The following CCSER1 variants were observed in gnomAD, a reference collection of about 807,000 sequenced individuals.
CCSER1 encodes the protein coiled-coil serine rich protein 1.
CCSER1 carries 41 observed loss-of-function variants against 82.0 expected under a neutral mutation model. The ratio of observed to expected loss-of-function variants is 0.50; its 90% CI spans 0.39 to 0.65. CCSER1 has a LOEUF of 0.65. Among genes scored for constraint, CCSER1 ranks in the 30% least tolerant of loss-of-function variants. The pLI, the probability that CCSER1 is intolerant of heterozygous loss-of-function variation, is 0.00. For synonymous variants in CCSER1, 414 were observed against 383.9 expected (o/e 1.08, Z -0.92); for missense variants, 1,119 against 1,064.2 (o/e 1.05, Z -0.72).
At chr4:90,313,344 A>G (rs1052644761) in intron 3 of CCSER1, among the ~76,000 whole-genome samples, 4 of 152,160 alleles carry the variant, frequency 2.6e-5, no homozygotes, top group Non-Finnish European at 4.4e-5. Context: ...GCTGAACATG[A>G]GGCTCCCCTT....
At chr4:91,425,003 T>G (rs899189239) in intron 10 of CCSER1, among the ~76,000 whole-genome samples, 5 of 152,124 alleles carry the variant, frequency 3.3e-5, no homozygotes, top group Admixed American at 6.5e-5. Context: ...GAATTGGACA[T>G]GTATGTTTAA....
At chr4:90,870,534 A>G (rs1194418015) in intron 8 of CCSER1, among the ~76,000 whole-genome samples, 1 of 151,608 alleles carries the variant, frequency 6.6e-6, no homozygotes, top group African/African-American at 2.4e-5. Flanking sequence ...CTGGAGATAA[A>G]CCCACTTGCT....
intron 3 of CCSER1, among the ~76,000 whole-genome samples, chr4:90,389,549 T>A (rs561854887): frequency 6.6e-6 from 1 of 152,332 alleles, no homozygotes; most frequent in Non-Finnish European, 1.5e-5. Context: ...AGTGACATCA[T>A]AATGGGATAT....
intron 10 of CCSER1, among the ~76,000 whole-genome samples, chr4:91,121,810 A>G (rs1727116092): frequency 6.6e-6 from 1 of 151,590 alleles, no homozygotes; most frequent in Non-Finnish European, 1.5e-5. Flanking sequence ...ACTTTTGGTT[A>G]TAGTGTCTAC....
At chr4:90,158,357 C>G (rs1414412036) in intron 1 of CCSER1, among the ~76,000 whole-genome samples, 1 of 152,164 alleles carries the variant, frequency 6.6e-6, no homozygotes, top group Non-Finnish European at 1.5e-5. Context: ...GCCGTCTGCC[C>G]GTTCTCAGAT....
In CCSER1 at chr4:90,583,412, C is replaced by T. The variant is rs533758553; in HGVS notation, c.1725-44613C>T. ...AACTCCTGACCTCAGGTGATCCACC[C>T]GCTTCAGCCTCCCAAAGTGCTGGGG... is the stretch of plus-strand genomic sequence containing the variant. On this transcript the variant is annotated intron_variant, in intron 5 of 10. Transcript: ENST00000509176. 1.6e-4 allele frequency among the ~76,000 whole-genome samples: 25 copies of T among 152,160 alleles called. No individual in the cohort carries two copies. The South Asian group carries it at 4.1e-3, about 25-fold the overall frequency.
chr4:90,605,553 A>T (rs990787730), intron 5 of CCSER1, among the ~76,000 whole-genome samples: 6 of 152,230 alleles, frequency 3.9e-5, no homozygotes, highest in South Asian at 4.1e-4. Context: ...AAATGTAATT[A>T]ATGTATCATT....
intron 3 of CCSER1, among the ~76,000 whole-genome samples, chr4:90,367,317 G>A (rs1449845724): frequency 1.3e-5 from 2 of 151,800 alleles, no homozygotes; most frequent in African/African-American, 2.4e-5. Flanking sequence ...TTTATAAGCC[G>A]GGGATCCCTT....
chr4:91,255,272 T>C (rs967996455), intron 10 of CCSER1, among the ~76,000 whole-genome samples: 5 of 152,084 alleles, frequency 3.3e-5, no homozygotes, highest in African/African-American at 1.2e-4. Context: ...AAGAATATAA[T>C]AAAAATATAT....
intron 10 of CCSER1, among the ~76,000 whole-genome samples, chr4:91,262,785 A>C (rs1485307691): frequency 6.6e-6 from 1 of 152,018 alleles, no homozygotes; most frequent in Non-Finnish European, 1.5e-5. Flanking sequence ...GTATAATCTA[A>C]CTCAACATTA....
chr4:91,224,063 T>C lies in CCSER1; in HGVS notation c.2217+138069T>C, dbSNP rs1737958063. On this transcript the variant is annotated intron_variant, in intron 10 of 10. Transcript: ENST00000509176. ...CAGAAGTTGCTCAAAGTGGCTTTTT[T>C]TTTTTTTGGCAGAAATAGTGCGGTG... 2.6e-5 allele frequency among the ~76,000 whole-genome samples: 4 copies of C among 152,152 alleles called. No individual in the cohort carries two copies. In the South Asian group the frequency reaches 8.3e-4, roughly 32 times the overall value.
intron 10 of CCSER1, among the ~76,000 whole-genome samples, chr4:91,428,312 A>T (rs367706241): frequency 6.6e-6 from 1 of 152,066 alleles, no homozygotes; most frequent in Non-Finnish European, 1.5e-5. Flanking sequence ...TCTGTAATGA[A>T]ATTGAGTTAA....
intron 10 of CCSER1, among the ~76,000 whole-genome samples, chr4:91,564,506 C>T (rs1348427478): frequency 6.6e-6 from 1 of 152,068 alleles, no homozygotes; most frequent in Non-Finnish European, 1.5e-5. Flanking sequence ...TTTACACTCC[C>T]ACCAACAGTG....
At chr4:91,122,030 T>G (rs550959135) in intron 10 of CCSER1, among the ~76,000 whole-genome samples, 2 of 151,840 alleles carry the variant, frequency 1.3e-5, no homozygotes, top group Admixed American at 6.6e-5. Context: ...CTTTTGTGAT[T>G]TGTTTCTCCT....
At chr4:91,297,044 G>A (rs949323333) in intron 10 of CCSER1, among the ~76,000 whole-genome samples, 1 of 151,694 alleles carries the variant, frequency 6.6e-6, no homozygotes, top group Non-Finnish European at 1.5e-5. Context: ...ATAGAGATGA[G>A]TGTATCCCAG....
At chr4:90,627,972 C>G in intron 5 of CCSER1, 53 bp from the exon 6 acceptor site, 1 of 1,389,670 alleles carries the variant, frequency 7.2e-7, no homozygotes, top group Non-Finnish European at 1.0e-6. Flanking sequence ...TTGGGAAATA[C>G]TGCTCTAAGC....
Position 91,392,583 on chromosome 4 carries a change from A to G in CCSER1, c.2218-205989A>G, listed in dbSNP as rs534075945. Among the ~76,000 whole-genome samples, 3 of 152,226 alleles carry G rather than the reference A, an allele frequency of 2.0e-5. No individual in the cohort carries two copies. The East Asian group carries it at 5.8e-4, about 29-fold the overall frequency. Reference sequence around the variant, plus strand: ...GTGTGTAGCAGTGATGTTTCTGATAATAATTGTATACTGGTTTGGGGGTTT... The same window carrying G: ...GTGTGTAGCAGTGATGTTTCTGATAGTAATTGTATACTGGTTTGGGGGTTT... On this transcript the variant is annotated intron_variant, in intron 10 of 10. Transcript: ENST00000509176.
At chr4:90,271,858 ATATATTTTT>A (rs1726524286) in intron 1 of CCSER1, among the ~76,000 whole-genome samples, 2 of 24,418 alleles carry the variant, frequency 8.2e-5, no homozygotes, top group Non-Finnish European at 1.2e-4. Context: ...ATATATATAT[ATATATTTTT>A]TTTTTTTTTT....
intron 3 of CCSER1, among the ~76,000 whole-genome samples, chr4:90,353,737 A>G (rs1331303519): frequency 6.6e-6 from 1 of 152,210 alleles, no homozygotes; most frequent in Admixed American, 6.5e-5. Context: ...CCACTGCAGG[A>G]AAGCACTCTC....
Sources: allele counts gnomAD v4.1 joint callset (sites outside exome capture counted in the v4.1 genomes callset), GRCh38; gene constraint gnomAD v4.1.1; transcripts MANE v1.5; gene names NCBI Gene and HGNC (gene_info 2026-07-23, HGNC 2026-07-21).